The following KLHL32 variants were observed in gnomAD, a reference collection of about 807,000 sequenced individuals.
KLHL32 encodes kelch-like protein 32.
Under a neutral mutation model 64.8 loss-of-function variants are expected in KLHL32, and 35 were observed. The observed-to-expected ratio is 0.54, with a 90% confidence interval of 0.41 to 0.72. The LOEUF (loss-of-function observed/expected upper bound fraction) is 0.72, where lower values mean the gene tolerates loss of function less well. Among genes scored for constraint, KLHL32 ranks in the 30% least tolerant of loss-of-function variants. The pLI, the probability that KLHL32 is intolerant of heterozygous loss-of-function variation, is 0.00. For synonymous variants in KLHL32, 259 were observed against 281.0 expected, an observed-to-expected ratio of 0.92 and a Z score of 0.78; for missense variants, 589 against 768.5, an observed-to-expected ratio of 0.77 and a Z score of 2.76.
intron 3 of KLHL32, chr6:97,024,832 T>C (rs1782499863): frequency 5.0e-6 from 1 of 198,394 alleles, no homozygotes; most frequent in Non-Finnish European, 9.1e-6. Flanking sequence ...TCATTTACAC[T>C]GTGACAGTCA....
chr6:96,962,867 T>C (rs1205102874), intron 1 of KLHL32, among the ~76,000 whole-genome samples: 1 of 152,232 alleles, frequency 6.6e-6, no homozygotes, highest in African/African-American at 2.4e-5. Context: ...TTTTGTAAAA[T>C]GTGTGTTTTA....
chr6:97,117,839 A>AT lies in KLHL32; in HGVS notation c.1354+3337dup, dbSNP rs199850345. Among the ~76,000 whole-genome samples the AT allele has an allele frequency of 4.4e-3, 669 of 152,242 alleles. 3 individuals are homozygous for AT. Among genetic ancestry groups the AT allele is most frequent in the African/African-American group, 0.015 (630 of 41,548 alleles). Reference sequence around the variant, plus strand: ...CTGAGCTCATCATGAAGAACAGCTTATTTTTTTCATTTTCATCAAATGATA... The same window carrying AT: ...CTGAGCTCATCATGAAGAACAGCTTATTTTTTTTCATTTTCATCAAATGATA... On this transcript the variant is annotated intron_variant, in intron 7 of 10. Transcript: ENST00000369261.
chr6:97,034,125 C>T (rs1562263850), intron 3 of KLHL32, among the ~76,000 whole-genome samples: 1 of 152,110 alleles, frequency 6.6e-6, no homozygotes, highest in East Asian at 1.9e-4. Flanking sequence ...GAGCTTTTCC[C>T]CTACATTTTC....
At chr6:97,059,740 G>A (rs1049876945) in intron 4 of KLHL32, among the ~76,000 whole-genome samples, 1 of 152,134 alleles carries the variant, frequency 6.6e-6, no homozygotes, top group African/African-American at 2.4e-5. Context: ...TGTGTTTCAT[G>A]TTCCATCTGT....
chr6:96,977,059 A>G (rs2128044958), intron 3 of KLHL32, among the ~76,000 whole-genome samples: 1 of 152,332 alleles, frequency 6.6e-6, no homozygotes, highest in South Asian at 2.1e-4. Context: ...TGTGGTAATA[A>G]GATTGCTGTT....
chr6:96,965,728 A>G (rs1486132618), intron 1 of KLHL32, among the ~76,000 whole-genome samples: 1 of 152,222 alleles, frequency 6.6e-6, no homozygotes, highest in Non-Finnish European at 1.5e-5. Flanking sequence ...TTGGCTACTT[A>G]AACAACGTGC....
At chr6:97,070,082 C>G (rs946584028) in intron 5 of KLHL32, among the ~76,000 whole-genome samples, 2 of 151,762 alleles carry the variant, frequency 1.3e-5, no homozygotes, top group African/African-American at 4.8e-5. Flanking sequence ...CCATTTTTTC[C>G]CACATTAGAG....
At chr6:97,053,195 G>A (rs1164541438) in intron 4 of KLHL32, among the ~76,000 whole-genome samples, 1 of 151,944 alleles carries the variant, frequency 6.6e-6, no homozygotes, top group African/African-American at 2.4e-5. Flanking sequence ...TTGTATTGAT[G>A]CCTCAGATCC....
the KLHL32 span, among the ~76,000 whole-genome samples, chr6:96,911,640 T>C: frequency 6.6e-6 from 1 of 152,134 alleles, no homozygotes; most frequent in Non-Finnish European, 1.5e-5. Flanking sequence ...CCAGGGCAAG[T>C]AGCTTTTGAT....
chr6:97,130,850 G>A lies in KLHL32; in HGVS notation c.1507G>A (p.Asp503Asn), dbSNP rs1383379581. The change falls in exon 9 of 11, where the codon GAC becomes AAC. Residue 503 changes from aspartate to asparagine, a missense_variant. Transcript: ENST00000369261. ...QRKLYVLGGN[D>N]LDYNNDRILV... ...GAAGCTTTATGTTCTTGGAGGCAAT[G>A]ACCTAGACTACAATAATGACCGGAT... 1.2e-6 allele frequency: 2 copies of A among 1,614,096 alleles called. No individual in the cohort carries two copies. The highest frequency in any genetic ancestry group is 4.5e-5 in the East Asian group (2 of 44,864).
At chr6:97,079,758 T>C (rs1005601969) in intron 5 of KLHL32, among the ~76,000 whole-genome samples, 7 of 151,928 alleles carry the variant, frequency 4.6e-5, no homozygotes, top group African/African-American at 7.3e-5. Context: ...GGAAAATAAA[T>C]ACTATTTAAA....
intron 5 of KLHL32, among the ~76,000 whole-genome samples, chr6:97,082,771 T>G (rs749198702): frequency 6.6e-6 from 1 of 152,138 alleles, no homozygotes; most frequent in Non-Finnish European, 1.5e-5. Flanking sequence ...GGGTCAGTCA[T>G]ATAGATGTGG....
rs903452456 is a variant in KLHL32, at chr6:97,021,764, A to G, written c.205-19728A>G. Among the ~76,000 whole-genome samples, 6 of 150,950 alleles carry G rather than the reference A, an allele frequency of 4.0e-5. 2 individuals are homozygous for G. The highest frequency in any genetic ancestry group is 1.5e-4 in the African/African-American group (6 of 40,244). ...AAATCATATATCCAACAGCCTGCTT[A>G]TCATCTCTAGTTGGATGTTTAAGAG... On this transcript the variant is annotated intron_variant, in intron 3 of 10. Transcript: ENST00000369261.
chr6:96,986,472 GGA>G (rs1777080047), intron 3 of KLHL32, among the ~76,000 whole-genome samples: 2 of 152,222 alleles, frequency 1.3e-5, no homozygotes, highest in South Asian at 4.1e-4. Flanking sequence ...CCCCAGAGGT[GGA>G]GTCTACAGAG....
At chr6:97,016,050 C>T (rs1406784295) in intron 3 of KLHL32, among the ~76,000 whole-genome samples, 1 of 152,208 alleles carries the variant, frequency 6.6e-6, no homozygotes, top group African/African-American at 2.4e-5. Flanking sequence ...GAAATACCTG[C>T]ATGTCCAGGC....
intron 6 of KLHL32, among the ~76,000 whole-genome samples, chr6:97,094,778 G>A (rs547770665): frequency 3.3e-5 from 5 of 152,182 alleles, no homozygotes; most frequent in East Asian, 1.9e-4. Context: ...TAAGTGGCAC[G>A]GTATTACTTA....
At chr6:97,108,006 T>C (rs1009531261) in intron 6 of KLHL32, among the ~76,000 whole-genome samples, 1 of 152,176 alleles carries the variant, frequency 6.6e-6, no homozygotes, top group African/African-American at 2.4e-5. Context: ...TCCATTGTGG[T>C]CAGATGAATT....
At chr6:97,016,107 G>A (rs1418467600) in intron 3 of KLHL32, among the ~76,000 whole-genome samples, 1 of 152,248 alleles carries the variant, frequency 6.6e-6, no homozygotes, top group Non-Finnish European at 1.5e-5. Flanking sequence ...CCTCTGCTAG[G>A]GCAATGCAGA....
At chr6:97,098,157 TAATGCTGGTGTTTACA>T (rs1265320957) in intron 6 of KLHL32, among the ~76,000 whole-genome samples, 2 of 152,206 alleles carry the variant, frequency 1.3e-5, no homozygotes, top group Non-Finnish European at 2.9e-5. Flanking sequence ...AGACATCTAA[TAATGCTGGTGTTTACA>T]ATGTGCAGCT....
Sources: gnomAD v4.1 joint callset for allele counts (sites outside exome capture counted in the v4.1 genomes callset) on GRCh38, gnomAD v4.1.1 for gene constraint, MANE v1.5 for transcripts, NCBI Gene and HGNC (gene_info 2026-07-23, HGNC 2026-07-21) for gene names.